CDC42: variants seen among roughly 807,000 people sequenced by gnomAD.
CDC42 encodes the protein cell division cycle 42.
Under a neutral mutation model 20.8 loss-of-function variants are expected in CDC42, and 1 was observed. The observed-to-expected ratio is 0.05, with a 90% CI of 0.02 to 0.23. The LOEUF (loss-of-function observed/expected upper bound fraction) is 0.23, where lower values mean the gene tolerates loss of function less well. CDC42 is among the 10% of genes least tolerant of loss of function. CDC42 has a pLI of 1.00. For synonymous variants in CDC42, 72 were observed against 84.8 expected, an observed-to-expected ratio of 0.85 and a Z score of 0.83; for missense variants, 49 against 227.9, an observed-to-expected ratio of 0.21 and a Z score of 5.05.
At chr1:22,079,192 G>A (rs1175942258) in intron 2 of CDC42, among the ~76,000 whole-genome samples, 1 of 146,654 alleles carries the variant, frequency 6.8e-6, no homozygotes, top group Non-Finnish European at 1.5e-5. Flanking sequence ...TATCTGGAGT[G>A]CAGTAGCGCG....
intron 1 of CDC42, among the ~76,000 whole-genome samples, chr1:22,071,531 A>T (rs982094280): frequency 1.3e-5 from 2 of 152,212 alleles, no homozygotes; most frequent in Non-Finnish European, 2.9e-5. Flanking sequence ...AATCACATGC[A>T]TGGGTAGGTG....
At chr1:22,053,287 G>A (rs1645257785) in intron 1 of CDC42, 1 of 151,710 alleles carries the variant, frequency 6.6e-6, no homozygotes, top group African/African-American at 2.4e-5. Context: ...GAGGGGAGTG[G>A]CGTTGCGGCC....
In CDC42 at chr1:22,097,844, G is replaced by A. The variant is rs1645767377; in HGVS notation, c.*6327G>A. On this transcript the variant is annotated 3_prime_UTR_variant, in exon 6 of 6. Coordinates refer to ENST00000656825, the MANE Select transcript of CDC42 (RefSeq NM_001791.4). ...GATTAGTGGGGTCAGGATGGGAGGAGAGCCCTGATTTTAATGCAGTGTCAT... is the reference window on the plus strand; with the variant it reads ...GATTAGTGGGGTCAGGATGGGAGGAAAGCCCTGATTTTAATGCAGTGTCAT... Among the ~76,000 whole-genome samples the A allele has an allele frequency of 1.3e-5, 2 of 152,242 alleles. No individual in the cohort carries two copies. The highest frequency in any genetic ancestry group is 4.8e-5 in the African/African-American group (2 of 41,456).
intron 1 of CDC42, among the ~76,000 whole-genome samples, chr1:22,076,845 A>G (rs1368179686): frequency 6.6e-6 from 1 of 152,168 alleles, no homozygotes; most frequent in Non-Finnish European, 1.5e-5. Context: ...AGTTGAATAA[A>G]GAAGGATAAA....
At chr1:22,078,052 A>G (rs1256538987) in intron 1 of CDC42, among the ~76,000 whole-genome samples, 3 of 152,352 alleles carry the variant, frequency 2.0e-5, no homozygotes, top group Non-Finnish European at 4.4e-5. Context: ...GTTGACATAC[A>G]TGCATACATA....
intron 3 of CDC42, among the ~76,000 whole-genome samples, chr1:22,081,999 G>C (rs1645612602): frequency 6.6e-6 from 1 of 150,954 alleles, no homozygotes; most frequent in Admixed American, 6.6e-5. Flanking sequence ...GAGTACCCTG[G>C]GTGAACAGTG....
chr1:22,083,574 C>T (rs767455265), intron 3 of CDC42, among the ~76,000 whole-genome samples: 1 of 151,918 alleles, frequency 6.6e-6, no homozygotes, highest in Non-Finnish European at 1.5e-5. Context: ...CACTGCCCTC[C>T]AGCCTGGCTG....
At chr1:22,077,219 G>T (rs1276543663) in intron 1 of CDC42, among the ~76,000 whole-genome samples, 1 of 152,112 alleles carries the variant, frequency 6.6e-6, no homozygotes, top group South Asian at 2.1e-4. Context: ...TATTTCATGT[G>T]AGTTACTCAC....
At chr1:22,084,684 A>T (rs2501261) in intron 3 of CDC42, among the ~76,000 whole-genome samples, 9 of 151,938 alleles carry the variant, frequency 5.9e-5, no homozygotes, top group Admixed American at 3.3e-4. Context: ...AAGTTTGTCT[A>T]TTTTTTGGTG....
At chr1:22,058,098 G>T (rs1645323736) in intron 1 of CDC42, among the ~76,000 whole-genome samples, 1 of 152,170 alleles carries the variant, frequency 6.6e-6, no homozygotes, top group African/African-American at 2.4e-5. Context: ...CAGGTATGCA[G>T]TATAGTCTGT....
At chr1:22,053,238 C>A (rs1357555237) in intron 1 of CDC42, 4 of 150,034 alleles carry the variant, frequency 2.7e-5, no homozygotes, top group African/African-American at 7.3e-5. Flanking sequence ...TCGCCGGGCG[C>A]CGCCGCGGAC....
rs1283930980 is a variant in CDC42, at chr1:22,100,026, CTTCTTT to C, written c.*8512_*8517del. On this transcript the variant is annotated 3_prime_UTR_variant, in exon 6 of 6. Transcript: ENST00000656825. ...CCTTTTTTTCTTTCTTCTTCTTCTT[CTTCTTT>C]TTTTTTTTTTTTGTATAATAGGCCT... Among the ~76,000 whole-genome samples the C allele has an allele frequency of 6.9e-5, 4 of 57,580 alleles. No individual in the cohort carries two copies. Among genetic ancestry groups the C allele is most frequent in the Non-Finnish European group, 1.0e-4 (3 of 29,438 alleles). The allele number at this position is 57,580 out of a possible 152,430, so 37.8% of individuals were successfully genotyped here. A position where few individuals can be genotyped will look rare whatever the true frequency, so the allele number is the denominator to read the frequency against.
At position 22,095,676 on chromosome 1, in the gene CDC42, A is replaced by G. The variant is rs553471613; in HGVS notation, c.*4159A>G. ...GCCAGAATAATGTTGCATTTGAACC[A>G]TGCCAACGGTAGCTTATTAAAACAG... On this transcript the variant is annotated 3_prime_UTR_variant, in exon 6 of 6. Transcript: ENST00000656825. Among the ~76,000 whole-genome samples, 1 of 152,334 alleles carries G rather than the reference A, an allele frequency of 6.6e-6. No homozygotes were observed. The highest frequency in any genetic ancestry group is 2.1e-4 in the South Asian group (1 of 4,822).
At chr1:22,068,821 G>A (rs1227512353) in intron 1 of CDC42, 1 of 152,196 alleles carries the variant, frequency 6.6e-6, no homozygotes, top group African/African-American at 2.4e-5. Context: ...TTGTGCTCAG[G>A]TGCCATGCTG....
intron 1 of CDC42, among the ~76,000 whole-genome samples, chr1:22,057,529 C>T (rs1645315591): frequency 1.3e-5 from 2 of 151,184 alleles, no homozygotes; most frequent in Non-Finnish European, 2.9e-5. Flanking sequence ...GGATTGCAGG[C>T]ATGCGTCAGC....
chr1:22,081,065 A>G (rs1053612933), intron 2 of CDC42, among the ~76,000 whole-genome samples: 1 of 152,140 alleles, frequency 6.6e-6, no homozygotes, highest in African/African-American at 2.4e-5. Flanking sequence ...GCTACTCAGG[A>G]GGCTGAGGTG....
chr1:22,057,707 G>A (rs1183176710), intron 1 of CDC42, among the ~76,000 whole-genome samples: 1 of 151,336 alleles, frequency 6.6e-6, no homozygotes, highest in Non-Finnish European at 1.5e-5. Context: ...AAATGAAGTG[G>A]AGATTGCTTT....
intron 1 of CDC42, among the ~76,000 whole-genome samples, chr1:22,061,632 C>T (rs1185796142): frequency 7.2e-6 from 1 of 138,592 alleles, no homozygotes; most frequent in Non-Finnish European, 1.5e-5. Context: ...CCACCTCTGC[C>T]TCCCGGGTTC....
At chr1:22,053,073 C>T (rs1645253741) in intron 1 of CDC42, among the ~76,000 whole-genome samples, 1 of 151,322 alleles carries the variant, frequency 6.6e-6, no homozygotes, top group Admixed American at 6.6e-5. Context: ...ATCCTGGGCG[C>T]CCGGGCTCCC....
Sources: allele counts gnomAD v4.1 joint callset (sites outside exome capture counted in the v4.1 genomes callset), GRCh38; gene constraint gnomAD v4.1.1; transcripts MANE v1.5; gene names NCBI Gene and HGNC (gene_info 2026-07-23, HGNC 2026-07-21).